EFCAB13: variants seen among roughly 807,000 people sequenced by gnomAD.
EFCAB13 encodes EF-hand calcium binding domain 13, also known as EF-hand calcium-binding domain-containing protein 13.
EFCAB13 carries 91 observed loss-of-function variants against 110.2 expected under a neutral mutation model. That is an observed-to-expected ratio of 0.83 (90% CI 0.70 to 0.98). The LOEUF (loss-of-function observed/expected upper bound fraction) is 0.98, where lower values mean the gene tolerates loss of function less well. Among genes scored for constraint, EFCAB13 ranks in the 50% least tolerant of loss-of-function variants. EFCAB13 has a pLI of 0.00. For synonymous variants in EFCAB13, 323 were observed against 369.9 expected (o/e 0.87, Z 1.45); for missense variants, 968 against 1,119.4 (o/e 0.86, Z 1.93).
chr17:47,403,624 T>C (rs2065789832), intron 18 of EFCAB13, among the ~76,000 whole-genome samples: 1 of 152,224 alleles, frequency 6.6e-6, no homozygotes, highest in Non-Finnish European at 1.5e-5. Flanking sequence ...CTTTGTATAA[T>C]TGCAGTGAAA....
At chr17:47,433,697 G>A (rs954762431) in intron 24 of EFCAB13, among the ~76,000 whole-genome samples, 7 of 151,764 alleles carry the variant, frequency 4.6e-5, no homozygotes, top group African/African-American at 7.3e-5. Context: ...GAAATTCTTC[G>A]GCAGGGACGA....
intron 10 of EFCAB13, among the ~76,000 whole-genome samples, chr17:47,362,147 G>A (rs1270057384): frequency 6.6e-6 from 1 of 152,036 alleles, no homozygotes; most frequent in Non-Finnish European, 1.5e-5. Context: ...TGTAAAATAA[G>A]TATAGTTATA....
chr17:47,414,934 C>T lies in EFCAB13; in HGVS notation c.2494+15C>T. Reference sequence around the variant, plus strand: ...AAAGTCCAAGGGTAAGTGAATACTTCTTGTTCAAGAGAATGGCTAGAAAAT... The same window carrying T: ...AAAGTCCAAGGGTAAGTGAATACTTTTTGTTCAAGAGAATGGCTAGAAAAT... On this transcript the variant is annotated intron_variant, in intron 23 of 24. Transcript: ENST00000331493. 2 of 1,529,116 alleles carry T rather than the reference C, an allele frequency of 1.3e-6. No individual in the cohort carries two copies. The highest frequency in any genetic ancestry group is 1.8e-6 in the Non-Finnish European group (2 of 1,113,452). 94.7% of individuals were successfully genotyped at this position (1,529,116 alleles called of 1,614,324 possible).
At chr17:47,354,609 A>T (rs371170899) in intron 9 of EFCAB13, among the ~76,000 whole-genome samples, 1 of 152,118 alleles carries the variant, frequency 6.6e-6, no homozygotes, top group African/African-American at 2.4e-5. Context: ...TAGTCCTATT[A>T]TTATATAATG....
At chr17:47,335,096 G>C in intron 4 of EFCAB13, 100 bp from the exon 5 acceptor site, 1 of 1,294,868 alleles carries the variant, frequency 7.7e-7, no homozygotes, top group Non-Finnish European at 1.0e-6. Flanking sequence ...CACTATTTGA[G>C]AAAGAATATC....
chr17:47,332,254 A>G (rs2065323675), intron 4 of EFCAB13, among the ~76,000 whole-genome samples: 1 of 152,024 alleles, frequency 6.6e-6, no homozygotes, highest in Non-Finnish European at 1.5e-5. Context: ...GGTTATTGCC[A>G]TTCTTTTTTC....
chr17:47,389,070 TCATCTAGG>T (rs1359804503), intron 14 of EFCAB13, among the ~76,000 whole-genome samples: 23 of 152,220 alleles, frequency 1.5e-4, no homozygotes, highest in Admixed American at 1.2e-3. Context: ...TCTTGCTCTG[TCATCTAGG>T]CTGGAGTGCA....
At position 47,367,497 on chromosome 17, in the gene EFCAB13, C is replaced by T. The variant is rs568964272; in HGVS notation, c.806-2940C>T. Among the ~76,000 whole-genome samples, 10 of 152,280 alleles carry T rather than the reference C, an allele frequency of 6.6e-5. No homozygotes were observed. In the South Asian group the frequency reaches 8.3e-4, roughly 13 times the overall value. On this transcript the variant is annotated intron_variant, in intron 10 of 24. Coordinates refer to ENST00000331493, the MANE Select transcript of EFCAB13 (RefSeq NM_152347.5). ...TATATTTGGAGGGGACGTAGGACGC[C>T]GGCAGAGAAGGAGCCGGGTGGAGCT...
At chr17:47,386,155 T>G (rs2065674766) in intron 14 of EFCAB13, among the ~76,000 whole-genome samples, 1 of 152,210 alleles carries the variant, frequency 6.6e-6, no homozygotes, top group Non-Finnish European at 1.5e-5. Flanking sequence ...GCTCAAGCGC[T>G]GTGCTGGGAG....
chr17:47,351,315 G>A (rs1472970207), intron 9 of EFCAB13, among the ~76,000 whole-genome samples: 19 of 110,732 alleles, frequency 1.7e-4, no homozygotes, highest in Non-Finnish European at 3.3e-4. Context: ...GCGCGCGCGC[G>A]CGCGCGCGCG....
At position 47,342,007 on chromosome 17, in the gene EFCAB13, T is replaced by C. The variant is rs751425559; in HGVS notation, c.278T>C (p.Val93Ala). The change falls in exon 6 of 25, where the codon GTA becomes GCA. Residue 93 changes from valine to alanine, a missense_variant. Physicochemically the swap from Val to Ala is moderately conservative, Grantham distance 64. Transcript: ENST00000331493. ...EKKVGRKSLQ[V>A]QQHSKRTEII... Reference sequence around the variant, plus strand: ...AAAGTTGGGAGAAAGAGTTTACAAGTACAACAGCACAGTAAAAGAACTGAG... The same window carrying C: ...AAAGTTGGGAGAAAGAGTTTACAAGCACAACAGCACAGTAAAAGAACTGAG... 6.3e-7 allele frequency: 1 copy of C among 1,595,316 alleles called. No homozygotes were observed.
At chr17:47,384,361 G>A (rs1448471538) in intron 14 of EFCAB13, among the ~76,000 whole-genome samples, 1 of 151,244 alleles carries the variant, frequency 6.6e-6, no homozygotes, top group East Asian at 1.9e-4. Context: ...CATGATGCTA[G>A]CTGGTTATTT....
At chr17:47,432,264 G>A (rs1905129150) in intron 24 of EFCAB13, among the ~76,000 whole-genome samples, 1 of 152,088 alleles carries the variant, frequency 6.6e-6, no homozygotes, top group South Asian at 2.1e-4. Context: ...CAGGCGTGGT[G>A]GCGGGCGCCT....
rs563912363 is a variant in EFCAB13 at position 47,368,414 on chromosome 17, G to C, written c.806-2023G>C. On this transcript the variant is annotated intron_variant, in intron 10 of 24. Transcript: ENST00000331493. ...TGCATTCAGAAAGGAGCAGACTGTG[G>C]AGCAAAGGTGGTAGAGAAAACAAAC... 2.0e-5 allele frequency among the ~76,000 whole-genome samples: 3 copies of C among 152,346 alleles called. No individual in the cohort carries two copies. In the South Asian group the frequency reaches 6.2e-4, roughly 32 times the overall value.
chr17:47,380,299 C>CA (rs1239749178), intron 14 of EFCAB13, among the ~76,000 whole-genome samples: 33 of 151,736 alleles, frequency 2.2e-4, no homozygotes, highest in Admixed American at 2.2e-3. Flanking sequence ...TCTCATTGTT[C>CA]AACTCCCACT....
intron 17 of EFCAB13, among the ~76,000 whole-genome samples, chr17:47,399,845 C>G (rs1395356425): frequency 6.6e-6 from 1 of 152,066 alleles, no homozygotes; most frequent in East Asian, 1.9e-4. Context: ...AGAAATACTT[C>G]CCAAATATCT....
intron 23 of EFCAB13, among the ~76,000 whole-genome samples, chr17:47,421,673 G>A (rs1436799555): frequency 6.8e-6 from 1 of 147,336 alleles, no homozygotes; most frequent in Non-Finnish European, 1.5e-5. Flanking sequence ...CCAATATCAG[G>A]AATGAAAAAA....
rs774685842 is a variant in EFCAB13, at chr17:47,404,594, A to C, written c.2194A>C (p.Arg732=). The change falls in exon 20 of 25, where the codon AGG becomes CGG. Residue 732 remains arginine (R), a synonymous_variant. Transcript: ENST00000331493. ...CATGGTGAACATTAAAGACTGTATG[A>C]GGGCTTTGAGGGACACCCAGAAATT... is the stretch of plus-strand genomic sequence containing the variant. The part of the protein sequence containing the change: ...DNMVNIKDCM[R]ALRDTQKFSN... The C allele has an allele frequency of 3.1e-6, 5 of 1,612,764 alleles. No individual in the cohort carries two copies. In the Admixed American group the frequency reaches 5.0e-5, roughly 16 times the overall value.
intron 5 of EFCAB13, among the ~76,000 whole-genome samples, chr17:47,337,299 T>C (rs112290843): frequency 0.016 from 2,438 of 152,258 alleles, 71 homozygotes; most frequent in African/African-American, 0.055. Context: ...TTTTCCCTTG[T>C]AAGTGGGAGC....
Sources: allele counts gnomAD v4.1 joint callset (sites outside exome capture counted in the v4.1 genomes callset), GRCh38; gene constraint gnomAD v4.1.1; transcripts MANE v1.5; gene names NCBI Gene and HGNC (gene_info 2026-07-23, HGNC 2026-07-21).